NAV2: variants seen among roughly 807,000 people sequenced by gnomAD.
NAV2 encodes helicase, APC down-regulated 1.
A neutral mutation model predicts 223.2 loss-of-function variants in NAV2; 54 were observed. The ratio of observed to expected loss-of-function variants is 0.24; its 90% CI spans 0.19 to 0.30. The LOEUF (loss-of-function observed/expected upper bound fraction) is 0.30. Ranked by LOEUF, NAV2 falls within the 10% of genes least tolerant of loss-of-function variation. The pLI is 1.00. For synonymous variants in NAV2, 1,279 were observed against 1,239.3 expected (o/e 1.03, Z -0.67); for missense variants, 2,806 against 3,147.5 (o/e 0.89, Z 2.60).
chr11:19,972,718 G>T (rs1394708387), intron 10 of NAV2, among the ~76,000 whole-genome samples: 1 of 152,158 alleles, frequency 6.6e-6, no homozygotes, highest in East Asian at 1.9e-4. Context: ...GCCTCTCTGT[G>T]CTTTGGCCTT....
intron 1 of NAV2, among the ~76,000 whole-genome samples, chr11:19,618,703 G>A (rs1209926179): frequency 6.6e-6 from 1 of 152,072 alleles, no homozygotes; most frequent in African/African-American, 2.4e-5. Context: ...GAAAAATCTA[G>A]AGTCAGGTTG....
intron 2 of NAV2, among the ~76,000 whole-genome samples, chr11:19,833,551 T>G (rs763129766): frequency 6.6e-6 from 1 of 152,252 alleles, no homozygotes; most frequent in Non-Finnish European, 1.5e-5. Context: ...CTGCCATTGA[T>G]TCTCCTCTTC....
intron 4 of NAV2, among the ~76,000 whole-genome samples, chr11:19,873,630 A>G (rs763531809): frequency 6.6e-6 from 1 of 152,016 alleles, no homozygotes; most frequent in Non-Finnish European, 1.5e-5. Flanking sequence ...TCCTCCTTTC[A>G]TCCCAAGCTA....
chr11:19,416,342 A>G (rs1214129483), intron 1 of NAV2, among the ~76,000 whole-genome samples: 1 of 152,238 alleles, frequency 6.6e-6, no homozygotes, highest in Non-Finnish European at 1.5e-5. Flanking sequence ...ACTCCCATTC[A>G]CAATTGCTAC....
intron 1 of NAV2, among the ~76,000 whole-genome samples, chr11:19,536,813 G>A (rs2044203007): frequency 6.6e-6 from 1 of 152,092 alleles, no homozygotes; most frequent in Non-Finnish European, 1.5e-5. Flanking sequence ...ATGATAATGG[G>A]GGCTGGGAGC....
At chr11:19,444,457 C>A (rs911891926) in intron 1 of NAV2, among the ~76,000 whole-genome samples, 3 of 152,214 alleles carry the variant, frequency 2.0e-5, no homozygotes, top group Non-Finnish European at 4.4e-5. Flanking sequence ...AATGCCTCTT[C>A]CAGATGGGCT....
At chr11:20,018,536 C>A (rs1346422190) in intron 11 of NAV2, among the ~76,000 whole-genome samples, 3 of 151,892 alleles carry the variant, frequency 2.0e-5, no homozygotes, top group African/African-American at 7.3e-5. Context: ...GGGTCTGTGA[C>A]CAAATAAAAC....
At chr11:19,757,857 A>T (rs1032213653) in intron 1 of NAV2, among the ~76,000 whole-genome samples, 2 of 152,142 alleles carry the variant, frequency 1.3e-5, no homozygotes, top group Admixed American at 1.3e-4. Context: ...TTTGCTGAAG[A>T]TCAAACAGCT....
chr11:19,483,790 C>T (rs1289910999), intron 1 of NAV2, among the ~76,000 whole-genome samples: 1 of 152,102 alleles, frequency 6.6e-6, no homozygotes, highest in African/African-American at 2.4e-5. Flanking sequence ...CAGGCAACCA[C>T]TGGGGGTCTA....
At chr11:19,846,778 T>C (rs907998115) in intron 3 of NAV2, among the ~76,000 whole-genome samples, 4 of 152,174 alleles carry the variant, frequency 2.6e-5, no homozygotes, top group African/African-American at 9.7e-5. Context: ...GCCCTCCTCT[T>C]GGCCCTGGTA....
At chr11:19,947,361 A>C (rs1039293437) in intron 9 of NAV2, among the ~76,000 whole-genome samples, 1 of 152,206 alleles carries the variant, frequency 6.6e-6, no homozygotes, top group Non-Finnish European at 1.5e-5. Flanking sequence ...TAAGGGACCA[A>C]ATTGGCTCTT....
chr11:19,499,212 A>C (rs2042888746), intron 1 of NAV2, among the ~76,000 whole-genome samples: 1 of 152,220 alleles, frequency 6.6e-6, no homozygotes, highest in Non-Finnish European at 1.5e-5. Flanking sequence ...GCGAGCAATT[A>C]ATGACGTGGA....
chr11:19,598,882 C>CTG (rs35122511), intron 1 of NAV2, among the ~76,000 whole-genome samples: 55 of 151,428 alleles, frequency 3.6e-4, no homozygotes, highest in South Asian at 6.3e-4. Flanking sequence ...CTTTTATGGC[C>CTG]TGTGTGTGTG....
chr11:19,666,006 A>G (rs2048400255), intron 1 of NAV2, among the ~76,000 whole-genome samples: 1 of 152,180 alleles, frequency 6.6e-6, no homozygotes, highest in Non-Finnish European at 1.5e-5. Flanking sequence ...CATCCAGGCA[A>G]TTGGACCTTT....
At chr11:19,926,644 A>G (rs934493321) in intron 6 of NAV2, among the ~76,000 whole-genome samples, 1 of 32,818 alleles carries the variant, frequency 3.0e-5, no homozygotes, top group Admixed American at 2.8e-4. Flanking sequence ...ACTTAAAGAA[A>G]AAAAAAAAAA....
chr11:19,659,116 T>G (rs2048205030), intron 1 of NAV2, among the ~76,000 whole-genome samples: 1 of 152,168 alleles, frequency 6.6e-6, no homozygotes, highest in African/African-American at 2.4e-5. Context: ...GAAATTTAAG[T>G]GTACAATTTC....
At chr11:19,845,016 G>C (rs1046436789) in intron 3 of NAV2, among the ~76,000 whole-genome samples, 1 of 152,104 alleles carries the variant, frequency 6.6e-6, no homozygotes, top group African/African-American at 2.4e-5. Context: ...GAAATGAATA[G>C]GATGATGAGA....
intron 1 of NAV2, among the ~76,000 whole-genome samples, chr11:19,635,749 G>A (rs1364543433): frequency 6.6e-6 from 1 of 152,212 alleles, no homozygotes; most frequent in Non-Finnish European, 1.5e-5. Context: ...ATTTATTCAT[G>A]AGGATAAACT....
rs2046233324 is a variant in NAV2 at position 19,939,664 on chromosome 11, T to A, written c.2037T>A (p.Ser679=). 3.7e-6 allele frequency: 6 copies of A among 1,613,926 alleles called. No individual in the cohort carries two copies. Among genetic ancestry groups the A allele is most frequent in the Admixed American group, 1.7e-5 (1 of 60,012 alleles). Residue 679 remains serine (S), a synonymous_variant, in exon 8 of 38, where the codon TCT becomes TCA. Transcript: ENST00000349880. ...TATVAPFLYR[S]QTDTEGNVTA... Reference sequence around the variant, plus strand: ...CTGCTTCGGTTTGTGTGTGAAGGTCTCAGACGGACACTGAAGGGAATGTTA... The same window carrying A: ...CTGCTTCGGTTTGTGTGTGAAGGTCACAGACGGACACTGAAGGGAATGTTA...
Sources: gnomAD v4.1 joint callset for allele counts (sites outside exome capture counted in the v4.1 genomes callset) on GRCh38, gnomAD v4.1.1 for gene constraint, MANE v1.5 for transcripts, NCBI Gene and HGNC (gene_info 2026-07-23, HGNC 2026-07-21) for gene names.